Variants in CD99L2 observed in about 807,000 individuals in gnomAD.
The protein encoded by CD99L2 is CD99 antigen-like protein 2.
CD99L2 carries 24 observed loss-of-function variants against 27.3 expected under a neutral mutation model. The ratio of observed to expected loss-of-function variants is 0.88; its 90% confidence interval spans 0.64 to 1.24. The LOEUF (loss-of-function observed/expected upper bound fraction) is 1.24, where lower values mean the gene tolerates loss of function less well. Ranked by LOEUF, CD99L2 falls within the 50% of genes most tolerant of loss-of-function variation. The probability of loss-of-function intolerance (pLI) is 0.00; values close to 1 mark genes in which losing one functional copy is unlikely to be tolerated. For missense variants in CD99L2, 255 were observed against 221.6 expected, an observed-to-expected ratio of 1.15 and a Z score of -0.96; for synonymous variants, 97 against 87.9, an observed-to-expected ratio of 1.10 and a Z score of -0.58.
At chrX:150,888,704 T>C (rs2047453010) in intron 1 of CD99L2, among the ~76,000 whole-genome samples, 1 of 112,478 alleles carries the variant, frequency 8.9e-6, no homozygotes, top group Non-Finnish European at 1.9e-5. Context: ...GAAGGGGCTA[T>C]GTAAGAAGTT....
intron 2 of CD99L2, among the ~76,000 whole-genome samples, chrX:150,818,051 C>CATAATAATTTTAAATAAAAAAAAAATA (rs1557420581): frequency 4.9e-4 from 46 of 93,335 alleles, no homozygotes; most frequent in African/African-American, 2.0e-3. Context: ...AAGAGGAAGA[C>CATAATAATTTTAAATAAAAAAAAAATA]ATAATAATTT....
chrX:150,841,078 G>A (rs782325309), intron 1 of CD99L2, among the ~76,000 whole-genome samples: 6 of 111,973 alleles, frequency 5.4e-5, no homozygotes, highest in Admixed American at 2.9e-4. Flanking sequence ...CTAGAAACAC[G>A]TACCCAAAGA....
chrX:150,844,064 G>A (rs1341839432), intron 1 of CD99L2, among the ~76,000 whole-genome samples: 1 of 112,417 alleles, frequency 8.9e-6, no homozygotes, highest in African/African-American at 3.2e-5. Flanking sequence ...GATCACTTGG[G>A]TTCAAGGAAT....
At chrX:150,876,359 T>G (rs781818999) in intron 1 of CD99L2, among the ~76,000 whole-genome samples, 9 of 112,019 alleles carry the variant, frequency 8.0e-5, no homozygotes, top group Non-Finnish European at 1.1e-4. Flanking sequence ...CCTAGTTTCT[T>G]TTAAAAATGT....
chrX:150,844,759 CAAT>C (rs781983740), intron 1 of CD99L2, among the ~76,000 whole-genome samples: 79 of 111,668 alleles, frequency 7.1e-4, no homozygotes, highest in South Asian at 1.9e-3. Flanking sequence ...GAGAGGACAA[CAAT>C]GACATGAAGC....
chrX:150,793,902 C>A lies in CD99L2; in HGVS notation c.431-146G>T, dbSNP rs1375808663. ...TGAAATTCTAAGAGGTCCCCCCAGACCCCCTCCCACTGGTGTACATGTCCC... is the reference window on the plus strand; with the variant it reads ...TGAAATTCTAAGAGGTCCCCCCAGAACCCCTCCCACTGGTGTACATGTCCC... On this transcript the variant is annotated intron_variant, in intron 6 of 10. Transcript: ENST00000370377. 3 of 414,195 alleles carry A rather than the reference C, an allele frequency of 7.2e-6. No individual in the cohort carries two copies. The African/African-American group carries it at 7.7e-5, about 11-fold the overall frequency. 34.1% of individuals were successfully genotyped at this position (414,195 alleles called of 1,213,427 possible).
rs1376847634 is a variant in CD99L2 at position 150,830,194 on chromosome X, G to GAA, written c.130+1035_130+1036dup. 5.0e-5 allele frequency among the ~76,000 whole-genome samples: 5 copies of GAA among 100,967 alleles called. No individual in the cohort carries two copies. The East Asian group carries it at 1.2e-3, about 25-fold the overall frequency. The allele number at this position is 100,967 out of a possible 115,157, so 87.7% of individuals were successfully genotyped here. On this transcript the variant is annotated intron_variant, in intron 2 of 10. Transcript: ENST00000370377. Reference sequence around the variant, plus strand: ...AAACAAATAAATAAAGTTAAAAAATGAAAAAAAAAAGGAAAATTGATAACA... The same window carrying GAA: ...AAACAAATAAATAAAGTTAAAAAATGAAAAAAAAAAAAGGAAAATTGATAACA...
intron 1 of CD99L2, among the ~76,000 whole-genome samples, chrX:150,870,758 T>C (rs1557422164): frequency 9.0e-6 from 1 of 110,957 alleles, no homozygotes; most frequent in African/African-American, 3.3e-5. Context: ...CCCACTGCAC[T>C]GCACCCCCCC....
In CD99L2 at chrX:150,854,379, G is replaced by C. The variant is rs782435871; in HGVS notation, c.68-23086C>G. ...TGCAAAACTGCTTAGGAATTCCCTG[G>C]GTGCTGGTTGGCTGGGGACTTGTTG... On this transcript the variant is annotated intron_variant, in intron 1 of 10. Coordinates refer to ENST00000370377, the MANE Select transcript of CD99L2 (RefSeq NM_031462.4). 7.2e-5 allele frequency among the ~76,000 whole-genome samples: 8 copies of C among 111,669 alleles called. No individual in the cohort carries two copies. The East Asian group carries it at 2.2e-3, about 31-fold the overall frequency.
chrX:150,799,420 TAGG>T (rs2045867763), intron 4 of CD99L2, among the ~76,000 whole-genome samples: 3 of 106,946 alleles, frequency 2.8e-5, no homozygotes, highest in Middle Eastern at 4.9e-3. Flanking sequence ...GAGGCTGAAG[TAGG>T]AGGACTGCTT....
chrX:150,876,310 C>A (rs2047228032), intron 1 of CD99L2, among the ~76,000 whole-genome samples: 1 of 112,063 alleles, frequency 8.9e-6, no homozygotes, highest in South Asian at 3.7e-4. Flanking sequence ...TGAAGTGAAC[C>A]TGAGTTCTTT....
intron 7 of CD99L2, among the ~76,000 whole-genome samples, chrX:150,789,616 C>T (rs959793633): frequency 1.8e-5 from 2 of 111,739 alleles, no homozygotes; most frequent in African/African-American, 6.5e-5. Context: ...CTGGGCGCAA[C>T]GGCTCCCACG....
intron 1 of CD99L2, among the ~76,000 whole-genome samples, chrX:150,857,080 G>A (rs2046902034): frequency 9.0e-6 from 1 of 110,768 alleles, no homozygotes; most frequent in African/African-American, 3.3e-5. Context: ...AAAGAAAAAA[G>A]ATAAAAAAAA....
chrX:150,828,105 C>T lies in CD99L2; in HGVS notation c.130+3126G>A, dbSNP rs192436785. Among the ~76,000 whole-genome samples, 130 of 111,582 alleles carry T rather than the reference C, an allele frequency of 1.2e-3. 1 individual carries two copies. In the Middle Eastern group the frequency reaches 0.023, roughly 20 times the overall value. On this transcript the variant is annotated intron_variant, in intron 2 of 10. Transcript: ENST00000370377. The stretch of plus-strand genomic sequence containing the variant: ...CAAGATTGTTTGGCTATTCTGAGTC[C>T]TTTGAATTTCCATATGAATTTTAAG...
intron 2 of CD99L2, chrX:150,816,448 A>G (rs1216466511): frequency 4.0e-5 from 8 of 200,171 alleles, no homozygotes; most frequent in Admixed American, 3.4e-4. Flanking sequence ...ACAACTATCA[A>G]CCTGGCACTT....
At position 150,898,633 on chromosome X, in the gene CD99L2, A is replaced by C; in HGVS notation, c.-45T>G. ...GCCCCGGAGGAGCACAGTTAGCGCG[A>C]GAGCGCCCGAAGGGGAGGCCGAGGA... On this transcript the variant is annotated 5_prime_UTR_variant, in exon 1 of 11. Coordinates refer to ENST00000370377, the MANE Select transcript of CD99L2 (RefSeq NM_031462.4). 1 of 1,052,004 alleles carries C rather than the reference A, an allele frequency of 9.5e-7. No homozygotes were observed. Among genetic ancestry groups the C allele is most frequent in the Non-Finnish European group, 1.2e-6 (1 of 811,587 alleles). The allele number at this position is 1,052,004 out of a possible 1,213,427, so 86.7% of individuals were successfully genotyped here. A position where few individuals can be genotyped will look rare whatever the true frequency, so the allele number is the denominator to read the frequency against.
At chrX:150,894,373 T>C (rs1028498964) in intron 1 of CD99L2, among the ~76,000 whole-genome samples, 4 of 111,902 alleles carry the variant, frequency 3.6e-5, no homozygotes, top group Admixed American at 2.9e-4. Flanking sequence ...ATGAGGTAGA[T>C]AGTGTTGTTA....
At chrX:150,886,600 T>C (rs191036481) in intron 1 of CD99L2, among the ~76,000 whole-genome samples, 1,740 of 112,718 alleles carry the variant, frequency 0.015, 32 homozygotes, top group African/African-American at 0.053. Flanking sequence ...AAGCAAGGCA[T>C]GGCTGTATCC....
At chrX:150,812,134 C>T (rs1442598044) in intron 4 of CD99L2, among the ~76,000 whole-genome samples, 1 of 111,545 alleles carries the variant, frequency 9.0e-6, no homozygotes, top group African/African-American at 3.3e-5. Flanking sequence ...GCACTGCAGC[C>T]TGGGCAACAG....
Sources: allele counts gnomAD v4.1 joint callset (sites outside exome capture counted in the v4.1 genomes callset), GRCh38; gene constraint gnomAD v4.1.1; transcripts MANE v1.5; gene names NCBI Gene and HGNC (gene_info 2026-07-23, HGNC 2026-07-21).